CAMTA1: variants seen among roughly 807,000 people sequenced by gnomAD.
CAMTA1 encodes calmodulin binding transcription activator 1.
In CAMTA1, 27 loss-of-function variants were observed where a neutral mutation model predicts 170.9. The ratio of observed to expected loss-of-function variants is 0.16; its 90% confidence interval spans 0.12 to 0.22. The LOEUF (loss-of-function observed/expected upper bound fraction) is 0.22. CAMTA1 is among the 10% of genes least tolerant of loss of function. The probability of loss-of-function intolerance (pLI) is 1.00; values close to 1 mark genes in which losing one functional copy is unlikely to be tolerated. For synonymous variants in CAMTA1, 833 were observed against 891.5 expected, an observed-to-expected ratio of 0.93 and a Z score of 1.17; for missense variants, 1,619 against 2,217.2, an observed-to-expected ratio of 0.73 and a Z score of 5.42.
intron 6 of CAMTA1, among the ~76,000 whole-genome samples, chr1:7,506,848 T>TCA (rs138224616): frequency 0.034 from 5,197 of 151,808 alleles, 265 homozygotes; most frequent in African/African-American, 0.12. Flanking sequence ...CACTCAAAAA[T>TCA]CACACAGAAT....
intron 3 of CAMTA1, among the ~76,000 whole-genome samples, chr1:6,857,708 C>T (rs1213619412): frequency 1.3e-5 from 2 of 152,166 alleles, no homozygotes; most frequent in Non-Finnish European, 2.9e-5. Context: ...GTCTGTATGA[C>T]AGGCAATACT....
chr1:6,924,300 G>T (rs537896067), intron 3 of CAMTA1, among the ~76,000 whole-genome samples: 6 of 152,244 alleles, frequency 3.9e-5, no homozygotes, highest in African/African-American at 1.4e-4. Flanking sequence ...GCCAGGAGGG[G>T]CTCAGGCTGG....
At chr1:7,296,583 C>T (rs1460344692) in intron 5 of CAMTA1, among the ~76,000 whole-genome samples, 1 of 151,890 alleles carries the variant, frequency 6.6e-6, no homozygotes, top group African/African-American at 2.4e-5. Flanking sequence ...AACAATGATC[C>T]CAAAGTTGGG....
intron 3 of CAMTA1, among the ~76,000 whole-genome samples, chr1:6,921,498 C>T (rs898514802): frequency 1.3e-5 from 2 of 152,244 alleles, no homozygotes; most frequent in Non-Finnish European, 2.9e-5. Context: ...TACCCAGTTC[C>T]AAAGTCACTT....
intron 4 of CAMTA1, among the ~76,000 whole-genome samples, chr1:7,243,335 T>G (rs1665223353): frequency 6.6e-6 from 1 of 152,244 alleles, no homozygotes; most frequent in African/African-American, 2.4e-5. Flanking sequence ...AACTTGGGTT[T>G]TCTTCTAGGG....
chr1:7,339,861 T>C (rs1164756611), intron 5 of CAMTA1, among the ~76,000 whole-genome samples: 3 of 152,292 alleles, frequency 2.0e-5, no homozygotes, highest in African/African-American at 7.2e-5. Context: ...CCTCTCTGAG[T>C]GCTGGGATTA....
At position 7,732,591 on chromosome 1, in the gene CAMTA1, C is replaced by T; in HGVS notation, c.3058C>T (p.Gln1020Ter). 6.2e-7 allele frequency: 1 copy of T among 1,606,436 alleles called. No individual in the cohort carries two copies. Among genetic ancestry groups the T allele is most frequent in the Non-Finnish European group, 8.5e-7 (1 of 1,176,806 alleles). ...GGSGSGNGGS[Q>*]AQCASGTGAL... ...CAGCGGGAGCGGGAATGGAGGGAGC[C>T]AGGCACAGGTACGAGGCGGTGCTGA... is the stretch of plus-strand genomic sequence containing the variant. Residue 1020 changes from glutamine (Q) to a stop codon, truncating the protein, a stop_gained, in exon 12 of 23, where the codon CAG becomes TAG. Coordinates refer to ENST00000303635, the MANE Select transcript of CAMTA1 (RefSeq NM_015215.4). LOFTEE classifies it high-confidence loss of function. This position sits in a 1 kb window ranked among gnomAD's most constrained non-coding sequence, Gnocchi z 4.1.
At chr1:7,639,187 G>A (rs1472114611) in intron 6 of CAMTA1, among the ~76,000 whole-genome samples, 1 of 151,960 alleles carries the variant, frequency 6.6e-6, no homozygotes, top group Non-Finnish European at 1.5e-5. Flanking sequence ...CACCGTGTTA[G>A]CCAGGATGGT....
rs962242251 is a variant in CAMTA1, at chr1:7,696,378, TAG to T, written c.2914+18649_2914+18650del. Reference sequence around the variant, plus strand: ...CCTGGCTACTTTTTTGTATTTTTAGTAGAGACAGGGTTTCACTATATTGGCCA... The same window carrying T: ...CCTGGCTACTTTTTTGTATTTTTAGTAGACAGGGTTTCACTATATTGGCCA... On this transcript the variant is annotated intron_variant, in intron 11 of 22. Transcript: ENST00000303635. Among the ~76,000 whole-genome samples, 16 of 152,200 alleles carry T rather than the reference TAG, an allele frequency of 1.1e-4. 1 individual carries two copies. Among genetic ancestry groups the T allele is most frequent in the African/African-American group, 3.6e-4 (15 of 41,530 alleles).
At chr1:7,292,851 T>C (rs577590751) in intron 5 of CAMTA1, among the ~76,000 whole-genome samples, 3 of 152,318 alleles carry the variant, frequency 2.0e-5, no homozygotes, top group Non-Finnish European at 4.4e-5. Context: ...ACTGATCCCA[T>C]GCCACGTGTT....
chr1:7,171,462 C>T (rs1050122580), intron 4 of CAMTA1, among the ~76,000 whole-genome samples: 3 of 152,130 alleles, frequency 2.0e-5, no homozygotes, highest in African/African-American at 7.2e-5. Context: ...CCACTTCTGC[C>T]TCCCCCAGTA....
At position 7,341,182 on chromosome 1, in the gene CAMTA1, G is replaced by A. The variant is rs572489383; in HGVS notation, c.438+91556G>A. On this transcript the variant is annotated intron_variant, in intron 5 of 22. Coordinates refer to ENST00000303635, the MANE Select transcript of CAMTA1 (RefSeq NM_015215.4). The stretch of plus-strand genomic sequence containing the variant: ...GAGCTCTGGCTCATGTTTGCTGGGC[G>A]TGGAGCTGCCTTTCAGCTGTGCAAG... 7.9e-5 allele frequency among the ~76,000 whole-genome samples: 12 copies of A among 152,332 alleles called. No homozygotes were observed. The South Asian group carries it at 1.0e-3, about 13-fold the overall frequency.
At chr1:7,469,039 C>A (rs1169169058) in intron 6 of CAMTA1, among the ~76,000 whole-genome samples, 1 of 152,234 alleles carries the variant, frequency 6.6e-6, no homozygotes, top group East Asian at 1.9e-4. Flanking sequence ...CGGCTCTGCC[C>A]AGCCCCAGCC....
intron 5 of CAMTA1, among the ~76,000 whole-genome samples, chr1:7,434,469 A>G (rs551916386): frequency 1.3e-5 from 2 of 152,154 alleles, no homozygotes; most frequent in African/African-American, 2.4e-5. Context: ...TCATTCATTC[A>G]TTCATTCATT....
rs1469385437 is a variant in CAMTA1 at position 7,067,232 on chromosome 1, T to A, written c.235-24072T>A. On this transcript the variant is annotated intron_variant, in intron 3 of 22. Transcript: ENST00000303635. The surrounding 1 kb of genome is among the most constrained non-coding windows in gnomAD (Gnocchi z 4.3). ...ATGGAAAAGGTGGAAGAGTTATCTC[T>A]GCTTCCTAGGGACGAAGGCCTCTCC... 2.0e-5 allele frequency among the ~76,000 whole-genome samples: 3 copies of A among 152,190 alleles called. No individual in the cohort carries two copies. Among genetic ancestry groups the A allele is most frequent in the Non-Finnish European group, 4.4e-5 (3 of 68,028 alleles).
chr1:7,328,963 G>T (rs915920617), intron 5 of CAMTA1, among the ~76,000 whole-genome samples: 2 of 151,904 alleles, frequency 1.3e-5, no homozygotes, highest in African/African-American at 4.8e-5. Flanking sequence ...TCTTTGTGCT[G>T]GTTCTCACAT....
intron 6 of CAMTA1, among the ~76,000 whole-genome samples, chr1:7,491,156 C>T (rs1187650580): frequency 6.6e-6 from 1 of 152,200 alleles, no homozygotes; most frequent in Admixed American, 6.5e-5. Context: ...GGTGTTTGGG[C>T]TGTACAGCAC....
intron 5 of CAMTA1, among the ~76,000 whole-genome samples, chr1:7,457,081 G>T (rs2092974648): frequency 1.3e-5 from 1 of 79,002 alleles, no homozygotes; most frequent in Non-Finnish European, 2.5e-5. Flanking sequence ...CCCGCCCCCT[G>T]CGCCAACGTG....
chr1:6,950,861 A>T (rs780957916), intron 3 of CAMTA1, among the ~76,000 whole-genome samples: 17 of 152,212 alleles, frequency 1.1e-4, no homozygotes, highest in Admixed American at 2.0e-4. Context: ...TCGGATGCCC[A>T]GGGAGGGGCT....
Sources: gnomAD v4.1 joint callset for allele counts (sites outside exome capture counted in the v4.1 genomes callset) on GRCh38, gnomAD v4.1.1 for gene constraint, Gnocchi (gnomAD v3.1) non-coding constraint, MANE v1.5 for transcripts, NCBI Gene and HGNC (gene_info 2026-07-23, HGNC 2026-07-21) for gene names.